Variants in NBEA observed in about 807,000 individuals in gnomAD.
NBEA encodes lysosomal-trafficking regulator 2.
A neutral mutation model predicts 343.4 loss-of-function variants in NBEA; 44 were observed. That is an observed-to-expected ratio of 0.13 (90% CI 0.10 to 0.16). The LOEUF (loss-of-function observed/expected upper bound fraction) is 0.16. Ranked by LOEUF, NBEA falls within the 10% of genes least tolerant of loss-of-function variation. The pLI is 1.00. For missense variants in NBEA, 2,555 were observed against 3,631.3 expected (o/e 0.70, Z 7.62); for synonymous variants, 1,175 against 1,238.7 (o/e 0.95, Z 1.08).
intron 10 of NBEA, among the ~76,000 whole-genome samples, chr13:35,081,621 G>T (rs571055323): frequency 5.9e-5 from 9 of 151,742 alleles, no homozygotes; most frequent in Admixed American, 4.6e-4. Context: ...CAGTTTGGAG[G>T]ATATTAACAA....
At chr13:35,250,098 T>C (rs1364145385) in intron 34 of NBEA, among the ~76,000 whole-genome samples, 1 of 152,144 alleles carries the variant, frequency 6.6e-6, no homozygotes, top group African/African-American at 2.4e-5. Context: ...AGTTGTTTAA[T>C]GGGGTATAGA....
intron 33 of NBEA, among the ~76,000 whole-genome samples, chr13:35,213,910 A>G (rs1307833468): frequency 6.6e-6 from 1 of 152,050 alleles, no homozygotes; most frequent in Admixed American, 6.6e-5. Context: ...ATTCACTCCT[A>G]TCTCTGCTCC....
chr13:35,298,622 C>CT (rs1385581508), intron 35 of NBEA, among the ~76,000 whole-genome samples: 1 of 151,696 alleles, frequency 6.6e-6, no homozygotes, highest in Non-Finnish European at 1.5e-5. Flanking sequence ...ACAGTCTAGA[C>CT]TTTTTTATTA....
chr13:35,395,753 T>C (rs1241035966), intron 38 of NBEA, among the ~76,000 whole-genome samples: 1 of 152,190 alleles, frequency 6.6e-6, no homozygotes, highest in Non-Finnish European at 1.5e-5. Context: ...TATTCTAATA[T>C]GATTGTGAGA....
intron 41 of NBEA, among the ~76,000 whole-genome samples, chr13:35,547,602 T>C (rs1307792479): frequency 2.0e-5 from 3 of 152,104 alleles, no homozygotes; most frequent in Admixed American, 1.3e-4. Flanking sequence ...CTCTAAAGAA[T>C]ATTGGCCAGG....
chr13:35,135,386 T>C (rs1182824814), intron 17 of NBEA, among the ~76,000 whole-genome samples: 1 of 152,008 alleles, frequency 6.6e-6, no homozygotes, highest in Admixed American at 6.5e-5. Flanking sequence ...CAGAATAATA[T>C]ATACAATGAT....
intron 6 of NBEA, among the ~76,000 whole-genome samples, chr13:35,053,861 C>A (rs890918946): frequency 5.3e-5 from 8 of 152,074 alleles, no homozygotes; most frequent in Admixed American, 3.3e-4. Flanking sequence ...AAGGAATCCA[C>A]AAAGTAGGCA....
At position 35,386,449 on chromosome 13, in the gene NBEA, G is replaced by A. The variant is rs529107856; in HGVS notation, c.6179+34126G>A. ...TGCTTAATGCCACTTTTAGCTGTTA[G>A]TTAACAAATGGAGGTACTTTGTATG... is the stretch of plus-strand genomic sequence containing the variant. On this transcript the variant is annotated intron_variant, in intron 38 of 58. Coordinates refer to ENST00000379939, the MANE Select transcript of NBEA (RefSeq NM_001385012.1). 6.6e-5 allele frequency among the ~76,000 whole-genome samples: 10 copies of A among 152,174 alleles called. No homozygotes were observed. The South Asian group carries it at 1.9e-3, about 28-fold the overall frequency.
At chr13:35,222,408 G>T (rs1254088892) in intron 33 of NBEA, among the ~76,000 whole-genome samples, 1 of 151,542 alleles carries the variant, frequency 6.6e-6, no homozygotes, top group Non-Finnish European at 1.5e-5. Flanking sequence ...ATTTTAATTG[G>T]TATTTCTACA....
At chr13:35,340,743 A>G (rs1043485436) in intron 36 of NBEA, among the ~76,000 whole-genome samples, 1 of 152,098 alleles carries the variant, frequency 6.6e-6, no homozygotes, top group African/African-American at 2.4e-5. Flanking sequence ...GTTGAAAGAA[A>G]TTAAAGAGGG....
intron 52 of NBEA, among the ~76,000 whole-genome samples, chr13:35,650,823 G>A (rs759965357): frequency 2.3e-4 from 35 of 152,154 alleles, no homozygotes; most frequent in Admixed American, 1.4e-3. Flanking sequence ...CCAGGAAGCC[G>A]AGGACTCCCC....
At chr13:35,453,269 AAG>A (rs1167986651) in intron 40 of NBEA, among the ~76,000 whole-genome samples, 16 of 152,218 alleles carry the variant, frequency 1.1e-4, no homozygotes, top group African/African-American at 3.1e-4. Context: ...TAGATTAAGA[AAG>A]AAAATATTTA....
intron 36 of NBEA, among the ~76,000 whole-genome samples, chr13:35,328,200 C>G (rs2038701438): frequency 6.6e-6 from 1 of 151,800 alleles, no homozygotes; most frequent in African/African-American, 2.4e-5. Context: ...TATTCAAAAT[C>G]AGTTATAATA....
rs556374656 is a variant in NBEA, at chr13:35,302,022, T to C, written c.5839-7506T>C. 1.5e-3 allele frequency among the ~76,000 whole-genome samples: 224 copies of C among 152,252 alleles called. 2 individuals are homozygous for C. The highest frequency in any genetic ancestry group is 0.014 in the Middle Eastern group (4 of 294). On this transcript the variant is annotated intron_variant, in intron 35 of 58. Transcript: ENST00000379939. ...AAAGTCATTAATTCTCCAACTCTTC[T>C]ACTTGAAGCAGCGCCTCATGGGCTG...
chr13:35,213,623 T>TA (rs1322227723), intron 33 of NBEA, among the ~76,000 whole-genome samples: 1 of 143,538 alleles, frequency 7.0e-6, no homozygotes, highest in African/African-American at 2.5e-5. Context: ...TTATTTTTTT[T>TA]AGTAATGATT....
rs1593248181 is a variant in NBEA, at chr13:35,070,867, C to G, written c.1571+15C>G. 7 of 1,608,900 alleles carry G rather than the reference C, an allele frequency of 4.4e-6. No individual in the cohort carries two copies. In the East Asian group the frequency reaches 1.6e-4, roughly 36 times the overall value. ...ACAACTGTCTGGTAAGTTTTCTTTGCATGTACAATTGCTGGTATTTTATAC... is the reference window on the plus strand; with the variant it reads ...ACAACTGTCTGGTAAGTTTTCTTTGGATGTACAATTGCTGGTATTTTATAC... On this transcript the variant is annotated intron_variant, in intron 10 of 58. Transcript: ENST00000379939.
chr13:35,049,122 A>G (rs1593584113), intron 5 of NBEA, among the ~76,000 whole-genome samples: 1 of 151,844 alleles, frequency 6.6e-6, no homozygotes, highest in Non-Finnish European at 1.5e-5. Flanking sequence ...AAATTATAAG[A>G]TAAGATTATT....
intron 29 of NBEA, among the ~76,000 whole-genome samples, chr13:35,183,296 A>G (rs2071442654): frequency 6.6e-6 from 1 of 152,050 alleles, no homozygotes. Context: ...TGAAACCTTG[A>G]TAACCTAATG....
intron 38 of NBEA, among the ~76,000 whole-genome samples, chr13:35,424,835 G>T (rs1443346999): frequency 2.0e-5 from 3 of 152,046 alleles, no homozygotes; most frequent in Non-Finnish European, 4.4e-5. Flanking sequence ...AGAGCCTGTT[G>T]TAGGTCTATT....
Sources: gnomAD v4.1 joint callset for allele counts (sites outside exome capture counted in the v4.1 genomes callset) on GRCh38, gnomAD v4.1.1 for gene constraint, MANE v1.5 for transcripts, NCBI Gene and HGNC (gene_info 2026-07-23, HGNC 2026-07-21) for gene names.